Variants in ASTN2 observed in about 807,000 individuals in gnomAD.
ASTN2 encodes astrotactin-2.
A neutral mutation model predicts 139.8 loss-of-function variants in ASTN2; 54 were observed. The observed-to-expected ratio is 0.39, with a 90% CI of 0.31 to 0.48. The LOEUF (loss-of-function observed/expected upper bound fraction) is 0.48, where lower values mean the gene tolerates loss of function less well. Among genes scored for constraint, ASTN2 ranks in the 20% least tolerant of loss-of-function variants. The probability of loss-of-function intolerance (pLI) is 0.95; values close to 1 mark genes in which losing one functional copy is unlikely to be tolerated. For missense variants in ASTN2, 1,565 were observed against 1,725.1 expected, an observed-to-expected ratio of 0.91 and a Z score of 1.64; for synonymous variants, 756 against 719.5, an observed-to-expected ratio of 1.05 and a Z score of -0.81.
At chr9:117,258,345 A>T (rs1833740952) in intron 2 of ASTN2, among the ~76,000 whole-genome samples, 1 of 152,102 alleles carries the variant, frequency 6.6e-6, no homozygotes, top group Non-Finnish European at 1.5e-5. Context: ...TTTCAATTTA[A>T]TGTTGCAAAT....
intron 10 of ASTN2, among the ~76,000 whole-genome samples, chr9:116,901,249 G>A (rs1220958967): frequency 1.3e-5 from 2 of 152,154 alleles, no homozygotes; most frequent in Non-Finnish European, 2.9e-5. Flanking sequence ...GGAAGGCTGG[G>A]TGCAGTGGCT....
At chr9:116,795,229 C>T (rs965713466) in intron 13 of ASTN2, among the ~76,000 whole-genome samples, 1 of 152,154 alleles carries the variant, frequency 6.6e-6, no homozygotes, top group Admixed American at 6.5e-5. Flanking sequence ...CCACCCGCCT[C>T]GGCTTCCCAA....
intron 13 of ASTN2, among the ~76,000 whole-genome samples, chr9:116,767,543 C>G (rs889604721): frequency 2.0e-5 from 3 of 152,176 alleles, no homozygotes; most frequent in African/African-American, 4.8e-5. Flanking sequence ...AGCACAGTAA[C>G]AAGGAGACAC....
At chr9:117,307,294 A>C (rs1835025621) in intron 1 of ASTN2, among the ~76,000 whole-genome samples, 1 of 152,224 alleles carries the variant, frequency 6.6e-6, no homozygotes, top group South Asian at 2.1e-4. Context: ...GCATGTCTGC[A>C]CAGACTGATG....
At chr9:117,180,026 A>C (rs184716180) in intron 3 of ASTN2, among the ~76,000 whole-genome samples, 1 of 152,302 alleles carries the variant, frequency 6.6e-6, no homozygotes, top group African/African-American at 2.4e-5. Context: ...CAAAGCTTTG[A>C]ATAAAATGCA....
Position 116,698,292 on chromosome 9 carries a change from G to C in ASTN2, c.2806+27479C>G. Reference sequence around the variant, plus strand: ...GGACCTTCAGGCAAGGTATAAAGCAGTTCTCCAGGAGTATGGGCATGAGGA... The same window carrying C: ...GGACCTTCAGGCAAGGTATAAAGCACTTCTCCAGGAGTATGGGCATGAGGA... On this transcript the variant is annotated intron_variant, in intron 16 of 22. Coordinates refer to ENST00000313400, the MANE Select transcript of ASTN2 (RefSeq NM_001365068.1). This position sits in a 1 kb window ranked among gnomAD's most constrained non-coding sequence, Gnocchi z 4.4. 1 of 1,614,182 alleles carries C rather than the reference G, an allele frequency of 6.2e-7. No homozygotes were observed.
intron 16 of ASTN2, among the ~76,000 whole-genome samples, chr9:116,719,109 T>C (rs1467513519): frequency 6.6e-6 from 1 of 150,914 alleles, no homozygotes; most frequent in African/African-American, 2.4e-5. Context: ...GGAGGCAGGG[T>C]AGATGCAGGC....
chr9:116,976,838 C>CT (rs1475707677), intron 7 of ASTN2, 53 bp from the exon 8 acceptor site: 3 of 1,537,008 alleles, frequency 2.0e-6, no homozygotes, highest in Middle Eastern at 1.7e-4. Context: ...CCCAAATAGG[C>CT]TTTTCTCTGG....
At chr9:116,541,194 A>T (rs1798608457) in intron 19 of ASTN2, among the ~76,000 whole-genome samples, 1 of 152,198 alleles carries the variant, frequency 6.6e-6, no homozygotes, top group Non-Finnish European at 1.5e-5. Context: ...ATTTTACACA[A>T]TTTTAAACAT....
At chr9:116,533,207 T>C (rs1385542375) in intron 19 of ASTN2, among the ~76,000 whole-genome samples, 2 of 152,230 alleles carry the variant, frequency 1.3e-5, no homozygotes, top group Non-Finnish European at 2.9e-5. Flanking sequence ...TGCACATTGA[T>C]TTTGTATCCT....
At chr9:117,293,995 A>G (rs1013260589) in intron 1 of ASTN2, among the ~76,000 whole-genome samples, 58 of 152,346 alleles carry the variant, frequency 3.8e-4, no homozygotes, top group African/African-American at 1.4e-3. Context: ...AGGCGGAGCG[A>G]GCAGAGGGAT....
At chr9:116,629,658 A>G (rs1453276394) in intron 17 of ASTN2, among the ~76,000 whole-genome samples, 3 of 152,076 alleles carry the variant, frequency 2.0e-5, no homozygotes, top group Non-Finnish European at 4.4e-5. Context: ...AGCTCAATCT[A>G]TTGCTCTATA....
At chr9:117,146,485 A>G (rs1464125056) in intron 3 of ASTN2, among the ~76,000 whole-genome samples, 1 of 151,922 alleles carries the variant, frequency 6.6e-6, no homozygotes, top group East Asian at 1.9e-4. Context: ...GAAAAAAAAA[A>G]AAAAAACAAG....
intron 1 of ASTN2, among the ~76,000 whole-genome samples, chr9:117,299,976 G>T (rs935309183): frequency 6.6e-6 from 1 of 152,116 alleles, no homozygotes; most frequent in Non-Finnish European, 1.5e-5. Context: ...TAAAATGGGG[G>T]TCACAGTCTG....
chr9:116,932,635 A>G (rs1834934582), intron 10 of ASTN2, among the ~76,000 whole-genome samples: 1 of 152,080 alleles, frequency 6.6e-6, no homozygotes, highest in South Asian at 2.1e-4. Context: ...GCAGGAACAG[A>G]AAGCTACAGG....
intron 12 of ASTN2, among the ~76,000 whole-genome samples, chr9:116,812,639 G>A (rs1163365630): frequency 6.6e-6 from 1 of 152,222 alleles, no homozygotes; most frequent in African/African-American, 2.4e-5. Flanking sequence ...TAGGAAATGT[G>A]AGACACTCAC....
intron 6 of ASTN2, among the ~76,000 whole-genome samples, chr9:117,009,663 C>A (rs1837458560): frequency 6.6e-6 from 1 of 152,192 alleles, no homozygotes; most frequent in African/African-American, 2.4e-5. Context: ...CAGCTTCTCT[C>A]CTTGTTTCTA....
chr9:117,361,207 G>A (rs1829683840), intron 1 of ASTN2, among the ~76,000 whole-genome samples: 1 of 152,148 alleles, frequency 6.6e-6, no homozygotes, highest in South Asian at 2.1e-4. Flanking sequence ...CAAAAGAAGT[G>A]GCTTTCCCCT....
chr9:116,632,162 G>GAC (rs1564168678), intron 17 of ASTN2, among the ~76,000 whole-genome samples: 8 of 35,548 alleles, frequency 2.3e-4, no homozygotes, highest in African/African-American at 1.0e-3. Context: ...GAGAGACAGA[G>GAC]AGAGAGAGAG....
Sources: gnomAD v4.1 joint callset for allele counts (sites outside exome capture counted in the v4.1 genomes callset) on GRCh38, gnomAD v4.1.1 for gene constraint, Gnocchi (gnomAD v3.1) non-coding constraint, MANE v1.5 for transcripts, NCBI Gene and HGNC (gene_info 2026-07-23, HGNC 2026-07-21) for gene names.